Variants in INO80 observed in about 807,000 individuals in gnomAD.
The protein encoded by INO80 is INO80 complex ATPase subunit, also known as chromatin-remodeling ATPase INO80.
INO80 carries 20 observed loss-of-function variants against 203.4 expected under a neutral mutation model. The ratio of observed to expected loss-of-function variants is 0.10; its 90% confidence interval spans 0.07 to 0.14. INO80 has a LOEUF of 0.14. INO80 is among the 10% of genes least tolerant of loss of function. The pLI is 1.00. For synonymous variants in INO80, 726 were observed against 685.2 expected (o/e 1.06, Z -0.93); for missense variants, 1,419 against 1,914.4 (o/e 0.74, Z 4.83).
intron 9 of INO80, among the ~76,000 whole-genome samples, chr15:41,076,084 G>A (rs2045397740): frequency 1.3e-5 from 2 of 152,206 alleles, no homozygotes; most frequent in Non-Finnish European, 1.5e-5. Flanking sequence ...TTTTTGGCCA[G>A]GCATGGTAGC....
At position 41,109,818 on chromosome 15, in the gene INO80, G is replaced by C. The variant is rs2045933411; in HGVS notation, c.-44+6155C>G. 2.6e-5 allele frequency among the ~76,000 whole-genome samples: 4 copies of C among 152,026 alleles called. No homozygotes were observed. In the South Asian group the frequency reaches 6.2e-4, roughly 24 times the overall value. On this transcript the variant is annotated intron_variant, in intron 1 of 35. Coordinates refer to ENST00000648947, the MANE Select transcript of INO80 (RefSeq NM_017553.3). ...ATGGTGGCACACACCTGTAGTCCTA[G>C]CTACTCAGGAGGCTGAGGCAGGAGA...
At chr15:40,995,627 C>T (rs985261935) in intron 29 of INO80, among the ~76,000 whole-genome samples, 3 of 152,130 alleles carry the variant, frequency 2.0e-5, no homozygotes, top group African/African-American at 7.2e-5. Context: ...TTTGGATCAA[C>T]AGGTATGAAG....
At chr15:41,096,454 A>G (rs1291239415) in intron 1 of INO80, 101 bp from the exon 2 acceptor site, 44 of 730,066 alleles carry the variant, frequency 6.0e-5, no homozygotes, top group Non-Finnish European at 2.0e-5. Flanking sequence ...ACCTTCTAGA[A>G]CACAAGACAC....
chr15:41,061,152 CAA>C (rs1330345988), intron 14 of INO80, among the ~76,000 whole-genome samples: 1 of 151,818 alleles, frequency 6.6e-6, no homozygotes, highest in African/African-American at 2.4e-5. Context: ...ACAAAAAATA[CAA>C]AAGTTAGCTA....
At position 40,987,236 on chromosome 15, in the gene INO80, C is replaced by T. The variant is rs182647501; in HGVS notation, c.3730-43G>A. On this transcript the variant is annotated intron_variant, in intron 30 of 35. Transcript: ENST00000648947. ...AAAATGTCACCTCCAGGCATCCATT[C>T]CCTTATGGCAAATATCCAGAAAAAG... The T allele has an allele frequency of 3.3e-5, 38 of 1,154,876 alleles. No individual in the cohort carries two copies. The Admixed American group carries it at 6.5e-4, about 20-fold the overall frequency. The allele number at this position is 1,154,876 out of a possible 1,614,324, so 71.5% of individuals were successfully genotyped here. A position where few individuals can be genotyped will look rare whatever the true frequency, so the allele number is the denominator to read the frequency against.
intron 1 of INO80, among the ~76,000 whole-genome samples, chr15:41,115,186 C>G (rs776110838): frequency 1.3e-5 from 2 of 152,200 alleles, no homozygotes; most frequent in Non-Finnish European, 2.9e-5. Flanking sequence ...CTAACAAGTA[C>G]ATCAAACTAG....
chr15:41,072,477 T>C (rs1022219270), intron 11 of INO80, among the ~76,000 whole-genome samples: 2 of 151,638 alleles, frequency 1.3e-5, no homozygotes, highest in African/African-American at 4.8e-5. Context: ...TCCCAGCACT[T>C]TGGGAGGCCA....
intron 27 of INO80, among the ~76,000 whole-genome samples, chr15:41,006,003 C>T (rs1175409874): frequency 1.4e-5 from 2 of 144,202 alleles, no homozygotes; most frequent in East Asian, 2.1e-4. Flanking sequence ...AATAGTTTTT[C>T]AGTCATCAAC....
chr15:41,062,499 C>A (rs1476100977), intron 14 of INO80, among the ~76,000 whole-genome samples: 1 of 152,110 alleles, frequency 6.6e-6, no homozygotes, highest in African/African-American at 2.4e-5. Flanking sequence ...CACCACTGCA[C>A]TGAAGCGTGG....
chr15:41,086,457 C>T (rs1242698720), intron 6 of INO80, among the ~76,000 whole-genome samples: 1 of 152,068 alleles, frequency 6.6e-6, no homozygotes, highest in Non-Finnish European at 1.5e-5. Flanking sequence ...TCAAGACCAG[C>T]CTGGCCAACA....
At chr15:41,091,960 G>GT in intron 5 of INO80, 67 bp downstream of exon 5, 1 of 1,384,820 alleles carries the variant, frequency 7.2e-7, no homozygotes, top group Non-Finnish European at 9.9e-7. Flanking sequence ...CCAAAATGAT[G>GT]TATCTTTAAT....
In INO80 at chr15:41,058,622, T is replaced by TA; in HGVS notation, c.1985+16_1985+17insT. On this transcript the variant is annotated intron_variant, in intron 16 of 35. Coordinates refer to ENST00000648947, the MANE Select transcript of INO80 (RefSeq NM_017553.3). ...TTAACCCAATGCATTGAGTTTGGTT[T>TA]CTACTACTCATGTTACCTGGAACTA... The TA allele has an allele frequency of 6.2e-7, 1 of 1,610,568 alleles. No homozygotes were observed. The highest frequency in any genetic ancestry group is 8.5e-7 in the Non-Finnish European group (1 of 1,178,008).
chr15:41,086,258 C>T (rs560451047), intron 6 of INO80, among the ~76,000 whole-genome samples: 1 of 152,084 alleles, frequency 6.6e-6, no homozygotes, highest in South Asian at 2.1e-4. Flanking sequence ...TGAAACAAAA[C>T]CTTAATTCAG....
chr15:41,099,270 A>AAAC (rs2045771876), intron 1 of INO80, among the ~76,000 whole-genome samples: 15 of 124,502 alleles, frequency 1.2e-4, no homozygotes, highest in African/African-American at 1.5e-4. Flanking sequence ...AAAAAAAACA[A>AAAC]ACACACACAC....
At chr15:41,061,678 AATG>A (rs2045112293) in intron 14 of INO80, among the ~76,000 whole-genome samples, 1 of 152,072 alleles carries the variant, frequency 6.6e-6, no homozygotes, top group African/African-American at 2.4e-5. Flanking sequence ...TACTTTAAAA[AATG>A]CTAATTTGTT....
At chr15:41,010,435 G>C in intron 27 of INO80, among the ~76,000 whole-genome samples, 1 of 150,950 alleles carries the variant, frequency 6.6e-6, no homozygotes, top group Non-Finnish European at 1.5e-5. Flanking sequence ...AATTTTCATG[G>C]GTATATAGTA....
At chr15:41,069,741 G>T in intron 13 of INO80, 76 bp from the exon 14 acceptor site, 1 of 804,736 alleles carries the variant, frequency 1.2e-6, no homozygotes, top group Non-Finnish European at 2.0e-6. Context: ...TTAATGACAA[G>T]AACAATCTAA....
Position 41,085,719 on chromosome 15 carries a change from C to T in INO80, c.659-136G>A. ...ACACATATCCCTTTATCTACTCAGA[C>T]CCATGAATATTCCTTGAGGAAGAAA... On this transcript the variant is annotated intron_variant, in intron 6 of 35. Coordinates refer to ENST00000648947, the MANE Select transcript of INO80 (RefSeq NM_017553.3). 7.8e-6 allele frequency: 5 copies of T among 642,454 alleles called. No individual in the cohort carries two copies. The Middle Eastern group carries it at 1.3e-3, about 162-fold the overall frequency. 39.8% of individuals were successfully genotyped at this position (642,454 alleles called of 1,614,324 possible).
chr15:41,054,621 T>A (rs772406157), intron 18 of INO80, among the ~76,000 whole-genome samples: 65 of 152,202 alleles, frequency 4.3e-4, no homozygotes, highest in Non-Finnish European at 1.5e-4. Flanking sequence ...ATTTGACCCA[T>A]TTGACCCACA....
Sources: allele counts gnomAD v4.1 joint callset (sites outside exome capture counted in the v4.1 genomes callset), GRCh38; gene constraint gnomAD v4.1.1; transcripts MANE v1.5; gene names NCBI Gene and HGNC (gene_info 2026-07-23, HGNC 2026-07-21).